Variants in ESYT3 observed in about 807,000 individuals in gnomAD.
ESYT3 encodes extended synaptotagmin-3.
Under a neutral mutation model 111.5 loss-of-function variants are expected in ESYT3, and 101 were observed. That is an observed-to-expected ratio of 0.91 (90% CI 0.77 to 1.07). The LOEUF is 1.07. Among genes scored for constraint, ESYT3 ranks in the 50% least tolerant of loss-of-function variants. The pLI, the probability that ESYT3 is intolerant of heterozygous loss-of-function variation, is 0.00. For missense variants in ESYT3, 1,097 were observed against 1,109.4 expected, an observed-to-expected ratio of 0.99 and a Z score of 0.16; for synonymous variants, 416 against 446.8, an observed-to-expected ratio of 0.93 and a Z score of 0.87.
At chr3:138,437,116 C>T (rs2108587797) in intron 1 of ESYT3, among the ~76,000 whole-genome samples, 1 of 152,234 alleles carries the variant, frequency 6.6e-6, no homozygotes, top group East Asian at 1.9e-4. Context: ...CTTGACCCAG[C>T]TGGGTAGAGG....
rs1450897847 is a variant in ESYT3, at chr3:138,468,171, A to G, written c.1285A>G (p.Thr429Ala). 1 of 1,613,912 alleles carries G rather than the reference A, an allele frequency of 6.2e-7. No individual in the cohort carries two copies. Among genetic ancestry groups the G allele is most frequent in the Non-Finnish European group, 8.5e-7 (1 of 1,180,004 alleles). Reference sequence around the variant, plus strand: ...GCGGCTGGAGTGGCTTTCATTGCTTACTGACCAAGAAGTTCTGACTGAGGT... The same window carrying G: ...GCGGCTGGAGTGGCTTTCATTGCTTGCTGACCAAGAAGTTCTGACTGAGGT... The part of the protein sequence containing the change: ...HLRLEWLSLL[T>A]DQEVLTEDHG... Residue 429 changes from threonine to alanine, a missense_variant, in exon 12 of 23, where the codon ACT (threonine) becomes GCT (alanine). Transcript: ENST00000389567.
chr3:138,447,175 G>T (rs994746399), intron 1 of ESYT3, among the ~76,000 whole-genome samples: 3 of 152,188 alleles, frequency 2.0e-5, no homozygotes, highest in African/African-American at 7.2e-5. Flanking sequence ...AATGATAAAT[G>T]AAGCAGGCAA....
chr3:138,473,117 A>ATTGAG, intron 18 of ESYT3: 1 of 1,385,582 alleles, frequency 7.2e-7, no homozygotes, highest in Non-Finnish European at 9.3e-7. Flanking sequence ...CAGCAGAACC[A>ATTGAG]TTGAGTTATA....
chr3:138,452,065 G>GGA lies in ESYT3; in HGVS notation c.347_348dup (p.Arg117SerfsTer17). The GGA allele has an allele frequency of 6.2e-7, 1 of 1,613,260 alleles. No homozygotes were observed. Among genetic ancestry groups the GGA allele is most frequent in the African/African-American group, 1.3e-5 (1 of 75,066 alleles). On this transcript the variant is annotated frameshift_variant, in exon 2 of 23. Transcript: ENST00000389567. LOFTEE classifies it high-confidence loss of function. ...TTTCCTAGATCCACTTCCCGGACGT[G>GGA]GAGCGGGTCGAGTGGGCCAACAAGG...
chr3:138,450,962 G>A (rs1560218696), intron 1 of ESYT3, among the ~76,000 whole-genome samples: 1 of 151,770 alleles, frequency 6.6e-6, no homozygotes, highest in Non-Finnish European at 1.5e-5. Context: ...CATGGCCACA[G>A]TGGTGGCTGT....
chr3:138,452,001 G>A, intron 1 of ESYT3, 47 bp from the exon 2 acceptor site: 2 of 1,607,828 alleles, frequency 1.2e-6, no homozygotes, highest in Non-Finnish European at 1.7e-6. Flanking sequence ...GGTTCCCAGC[G>A]GGTGTGCGGC....
intron 1 of ESYT3, among the ~76,000 whole-genome samples, chr3:138,445,042 C>A (rs1042257978): frequency 6.6e-4 from 100 of 152,316 alleles, no homozygotes; most frequent in African/African-American, 2.3e-3. Flanking sequence ...GGTTTCCAGG[C>A]TCCTGCCCCA....
chr3:138,445,286 T>G lies in ESYT3; in HGVS notation c.328-6762T>G, dbSNP rs368454555. 3.9e-5 allele frequency among the ~76,000 whole-genome samples: 6 copies of G among 152,328 alleles called. 1 individual carries two copies. In the East Asian group the frequency reaches 7.7e-4, roughly 20 times the overall value. On this transcript the variant is annotated intron_variant, in intron 1 of 22. Transcript: ENST00000389567. ...AGTTCAGTGTGAGCCACTCATCTTATTTTTCAGCCTCTCTTTGTTTCCCTA... is the reference window on the plus strand; with the variant it reads ...AGTTCAGTGTGAGCCACTCATCTTAGTTTTCAGCCTCTCTTTGTTTCCCTA...
Position 138,468,654 on chromosome 3 carries a change from G to C in ESYT3, c.1309-1G>C, listed in dbSNP as rs2033057970. The C allele has an allele frequency of 1.2e-6, 2 of 1,613,984 alleles. No homozygotes were observed. Among genetic ancestry groups the C allele is most frequent in the Non-Finnish European group, 1.7e-6 (2 of 1,180,034 alleles). On this transcript the variant is annotated splice_acceptor_variant, in intron 12 of 22. Coordinates refer to ENST00000389567, the MANE Select transcript of ESYT3 (RefSeq NM_031913.5). LOFTEE classifies it high-confidence loss of function. ...CAGTGAGGGTCTGTGTCTGTTTGCA[G>C]GACCATGGTGGCCTTTCCACTGCCA...
At chr3:138,470,183 A>C (rs368222393) in intron 16 of ESYT3, 37 bp downstream of exon 16, 4 of 1,603,134 alleles carry the variant, frequency 2.5e-6, no homozygotes, top group Middle Eastern at 1.7e-4. Flanking sequence ...CAGAGTTAAG[A>C]GGTTTTTAAG....
intron 1 of ESYT3, among the ~76,000 whole-genome samples, chr3:138,438,057 A>G (rs1416420779): frequency 6.6e-6 from 1 of 152,174 alleles, no homozygotes; most frequent in African/African-American, 2.4e-5. Context: ...TAGGAACACA[A>G]ACTGTGAAGG....
At chr3:138,475,497 C>T (rs2033436668) in intron 20 of ESYT3, among the ~76,000 whole-genome samples, 1 of 152,138 alleles carries the variant, frequency 6.6e-6, no homozygotes, top group African/African-American at 2.4e-5. Flanking sequence ...TAGGAGGTGG[C>T]CACTGTTTTC....
intron 4 of ESYT3, among the ~76,000 whole-genome samples, chr3:138,458,277 A>G (rs808925): frequency 0.77 from 116,703 of 152,212 alleles, 44,959 homozygotes; most frequent in East Asian, 0.95. Flanking sequence ...GATAGGAGCT[A>G]GTTCTTCGGA....
Position 138,464,365 on chromosome 3 carries a change from G to T in ESYT3, c.936G>T (p.Leu312Phe), listed in dbSNP as rs747423138. 1 of 1,614,148 alleles carries T rather than the reference G, an allele frequency of 6.2e-7. No individual in the cohort carries two copies. The highest frequency in any genetic ancestry group is 1.1e-5 in the South Asian group (1 of 91,084). The change falls in exon 9 of 23, where the codon TTG becomes TTT. Residue 312 changes from leucine to phenylalanine, a missense_variant. Coordinates refer to ENST00000389567, the MANE Select transcript of ESYT3 (RefSeq NM_031913.5). ...TCCAGGGGGTGATCAGAGTGCACTT[G>T]CTGGAGGCAGAGCAGCTGGCCCAGA... is the stretch of plus-strand genomic sequence containing the variant. ...PLPCGVIRVHLLEAEQLAQKD... is the reference protein window; with the variant it reads ...PLPCGVIRVHFLEAEQLAQKD...
chr3:138,446,949 T>C (rs534058942), intron 1 of ESYT3, among the ~76,000 whole-genome samples: 1 of 152,236 alleles, frequency 6.6e-6, no homozygotes, highest in South Asian at 2.1e-4. Flanking sequence ...GTGGGAGGAT[T>C]GCTTGAGCCT....
In ESYT3 at chr3:138,448,403, AAC is replaced by A. The variant is rs1401407495; in HGVS notation, c.328-3640_328-3639del. Among the ~76,000 whole-genome samples the A allele has an allele frequency of 2.0e-5, 3 of 152,164 alleles. No homozygotes were observed. In the East Asian group the frequency reaches 5.8e-4, roughly 29 times the overall value. ...TATGGAGTTGAATGGCAAGTCCAGA[AAC>A]ACACCAAAGTACATATGAGGAGCTA... is the stretch of plus-strand genomic sequence containing the variant. On this transcript the variant is annotated intron_variant, in intron 1 of 22. Transcript: ENST00000389567.
chr3:138,444,894 TAGTC>T (rs1022988954), intron 1 of ESYT3, among the ~76,000 whole-genome samples: 4 of 152,268 alleles, frequency 2.6e-5, no homozygotes, highest in Admixed American at 6.5e-5. Context: ...CTTTCAAACT[TAGTC>T]AGGAACCCCC....
intron 2 of ESYT3, 84 bp downstream of exon 2, chr3:138,452,173 G>T: frequency 7.3e-7 from 1 of 1,374,608 alleles, no homozygotes; most frequent in Non-Finnish European, 1.0e-6. Flanking sequence ...AGCCTGATGG[G>T]GGCCTCGCGG....
intron 18 of ESYT3, 174 bp from the exon 19 acceptor site, chr3:138,473,362 A>C: frequency 1.5e-6 from 1 of 648,818 alleles, no homozygotes; most frequent in Non-Finnish European, 2.5e-6. Flanking sequence ...AAGTAGGATA[A>C]TTATACATGA....
Sources: gnomAD v4.1 joint callset for allele counts (sites outside exome capture counted in the v4.1 genomes callset) on GRCh38, gnomAD v4.1.1 for gene constraint, MANE v1.5 for transcripts, NCBI Gene and HGNC (gene_info 2026-07-23, HGNC 2026-07-21) for gene names.